The following SIK3 variants were observed in gnomAD, a reference collection of about 807,000 sequenced individuals.
SIK3 encodes the protein SIK family kinase 3, also known as serine/threonine-protein kinase SIK3.
A neutral mutation model predicts 144.2 loss-of-function variants in SIK3; 28 were observed. The observed-to-expected ratio is 0.19, with a 90% CI of 0.14 to 0.27. The LOEUF is 0.27. Ranked by LOEUF, SIK3 falls within the 10% of genes least tolerant of loss-of-function variation. SIK3 has a pLI of 1.00. For synonymous variants in SIK3, 686 were observed against 676.3 expected (o/e 1.01, Z -0.22); for missense variants, 1,319 against 1,776.0 (o/e 0.74, Z 4.62).
intron 4 of SIK3, among the ~76,000 whole-genome samples, chr11:116,918,012 A>G (rs1946760289): frequency 6.6e-6 from 1 of 152,190 alleles, no homozygotes; most frequent in East Asian, 1.9e-4. Flanking sequence ...GATATTATAC[A>G]GATTAAGATG....
Position 116,931,242 on chromosome 11 carries a change from C to T in SIK3, c.455-3862G>A, listed in dbSNP as rs577454996. On this transcript the variant is annotated intron_variant, in intron 3 of 24. Transcript: ENST00000445177. ...TGAATTTTCTAAAGTATTAGAGCAC[C>T]AGCACGTAAGTTTGCTTCAGAATTC... Among the ~76,000 whole-genome samples the T allele has an allele frequency of 2.6e-5, 4 of 152,236 alleles. No homozygotes were observed. In the South Asian group the frequency reaches 8.3e-4, roughly 32 times the overall value.
chr11:116,975,571 C>G (rs1052633570), intron 1 of SIK3, among the ~76,000 whole-genome samples: 1 of 152,130 alleles, frequency 6.6e-6, no homozygotes, highest in African/African-American at 2.4e-5. Flanking sequence ...AAATAATATT[C>G]CATTGTATGG....
At chr11:116,909,386 T>C (rs1362597318) in intron 4 of SIK3, among the ~76,000 whole-genome samples, 1 of 152,092 alleles carries the variant, frequency 6.6e-6, no homozygotes, top group Non-Finnish European at 1.5e-5. Context: ...AAAATTTTTT[T>C]TCTCTTGGGG....
intron 1 of SIK3, among the ~76,000 whole-genome samples, chr11:116,992,525 A>G (rs1017034237): frequency 6.6e-6 from 1 of 152,138 alleles, no homozygotes; most frequent in Non-Finnish European, 1.5e-5. Context: ...TGATATGGCA[A>G]TTAGCACTAC....
chr11:116,951,565 T>C (rs1948936656), intron 3 of SIK3, among the ~76,000 whole-genome samples: 1 of 152,184 alleles, frequency 6.6e-6, no homozygotes, highest in African/African-American at 2.4e-5. Context: ...AATAACATTA[T>C]CAGAAGTGGT....
At chr11:116,941,512 G>GA (rs1948305189) in intron 3 of SIK3, among the ~76,000 whole-genome samples, 1 of 151,826 alleles carries the variant, frequency 6.6e-6, no homozygotes, top group East Asian at 1.9e-4. Context: ...TAACCTATGT[G>GA]AAACACTTAA....
intron 4 of SIK3, chr11:116,904,830 G>A (rs577881835): frequency 1.9e-4 from 31 of 160,440 alleles, no homozygotes; most frequent in African/African-American, 7.2e-4. Flanking sequence ...CTCCCACCTC[G>A]GCCTTCCGAA....
intron 6 of SIK3, among the ~76,000 whole-genome samples, chr11:116,885,389 T>C (rs1248865549): frequency 2.0e-5 from 3 of 152,308 alleles, no homozygotes; most frequent in Non-Finnish European, 4.4e-5. Flanking sequence ...TTCCTTACTT[T>C]CGATCAGTTT....
intron 4 of SIK3, among the ~76,000 whole-genome samples, chr11:116,916,160 G>A: frequency 6.6e-6 from 1 of 152,164 alleles, no homozygotes. Context: ...AAAAGATCCT[G>A]TATACTACTT....
At chr11:116,873,428 CT>C in intron 13 of SIK3, 52 bp downstream of exon 13, 1 of 1,613,424 alleles carries the variant, frequency 6.2e-7, no homozygotes, top group East Asian at 2.2e-5. Flanking sequence ...GGCTCACAAC[CT>C]TTTTATCAAA....
Position 117,022,370 on chromosome 11 carries a change from T to C in SIK3, c.274-65306A>G, listed in dbSNP as rs191672038. ...TTAAGAGTCAAAGACAATTATTTAA[T>C]AGTGAAACCCCTGAGTTGGGAAACA... On this transcript the variant is annotated intron_variant, in intron 1 of 24. Transcript: ENST00000445177. Among the ~76,000 whole-genome samples the C allele has an allele frequency of 2.1e-3, 316 of 152,320 alleles. 3 individuals carry two copies. The highest frequency in any genetic ancestry group is 7.0e-3 in the African/African-American group (292 of 41,576).
chr11:116,881,465 G>A (rs556984206), intron 6 of SIK3, among the ~76,000 whole-genome samples: 20 of 152,330 alleles, frequency 1.3e-4, no homozygotes, highest in African/African-American at 3.8e-4. Context: ...GAGAGCTGCT[G>A]TATGGGCAGG....
intron 1 of SIK3, among the ~76,000 whole-genome samples, chr11:117,073,345 T>A (rs946323147): frequency 1.3e-5 from 2 of 152,096 alleles, no homozygotes; most frequent in Non-Finnish European, 2.9e-5. Flanking sequence ...CACTCATCCA[T>A]ACTCATACTT....
chr11:116,881,436 TTGGATGACTTTG>T (rs1342524513), intron 6 of SIK3, among the ~76,000 whole-genome samples: 3 of 152,182 alleles, frequency 2.0e-5, no homozygotes, highest in African/African-American at 7.2e-5. Flanking sequence ...TGCCAGGCAT[TTGGATGACTTTG>T]TGGGGAGAGA....
At chr11:117,098,082 G>T in intron 1 of SIK3, 61 bp downstream of exon 1, 1 of 1,262,592 alleles carries the variant, frequency 7.9e-7, no homozygotes, top group African/African-American at 1.6e-5. Flanking sequence ...CCCGGCTGGG[G>T]GGCGCGGACC....
intron 1 of SIK3, among the ~76,000 whole-genome samples, chr11:117,097,583 T>C (rs890204324): frequency 1.3e-5 from 2 of 152,006 alleles, no homozygotes; most frequent in African/African-American, 4.8e-5. Context: ...TCTTAGATGA[T>C]CAAATGCGGA....
At chr11:117,095,187 G>A (rs935784453) in intron 1 of SIK3, among the ~76,000 whole-genome samples, 1 of 81,830 alleles carries the variant, frequency 1.2e-5, no homozygotes, top group Non-Finnish European at 2.3e-5. Flanking sequence ...TGGGTCATGT[G>A]TGTTTAAAAA....
At chr11:116,875,109 G>A (rs367923392) in intron 11 of SIK3, 49 bp downstream of exon 11, 20 of 1,442,988 alleles carry the variant, frequency 1.4e-5, no homozygotes, top group Non-Finnish European at 1.9e-5. Flanking sequence ...AAAGTCAGGT[G>A]ACAATTCTTT....
intron 1 of SIK3, among the ~76,000 whole-genome samples, chr11:117,092,531 T>G (rs1456049523): frequency 6.6e-6 from 1 of 152,202 alleles, no homozygotes; most frequent in African/African-American, 2.4e-5. Flanking sequence ...TTTTTAATTT[T>G]TTTACATGTC....
Sources: allele counts gnomAD v4.1 joint callset (sites outside exome capture counted in the v4.1 genomes callset), GRCh38; gene constraint gnomAD v4.1.1; transcripts MANE v1.5; gene names NCBI Gene and HGNC (gene_info 2026-07-23, HGNC 2026-07-21).